Variants in PLCB1 observed in about 807,000 individuals in gnomAD.
The protein encoded by PLCB1 is 1-phosphatidylinositol 4,5-bisphosphate phosphodiesterase beta-1.
PLCB1 carries 46 observed loss-of-function variants against 161.8 expected under a neutral mutation model. The ratio of observed to expected loss-of-function variants is 0.28; its 90% CI spans 0.22 to 0.36. PLCB1 has a LOEUF of 0.36. Among genes scored for constraint, PLCB1 ranks in the 10% least tolerant of loss-of-function variants. The pLI is 1.00. For missense variants in PLCB1, 1,016 were observed against 1,472.5 expected (o/e 0.69, Z 5.07); for synonymous variants, 517 against 503.7 (o/e 1.03, Z -0.35).
intron 10 of PLCB1, among the ~76,000 whole-genome samples, chr20:8,689,201 A>C (rs6056013): frequency 0.66 from 99,981 of 151,772 alleles, 34,022 homozygotes; most frequent in South Asian, 0.78. Context: ...CTTGTATCTG[A>C]AAACTTTGCT....
At chr20:8,772,046 A>AT (rs57175112) in intron 26 of PLCB1, among the ~76,000 whole-genome samples, 26,590 of 121,844 alleles carry the variant, frequency 0.22, 3,039 homozygotes, top group Middle Eastern at 0.3. Context: ...GGCCCGGTTA[A>AT]TTTTTTTTTT....
intron 27 of PLCB1, among the ~76,000 whole-genome samples, chr20:8,784,745 A>G (rs1409606827): frequency 1.3e-5 from 2 of 152,192 alleles, no homozygotes; most frequent in Non-Finnish European, 2.9e-5. Context: ...ATTGCATGCA[A>G]AAGCCTCAGT....
intron 3 of PLCB1, among the ~76,000 whole-genome samples, chr20:8,548,351 CTTTT>C (rs908798223): frequency 1.4e-5 from 2 of 138,498 alleles, no homozygotes; most frequent in South Asian, 2.3e-4. Context: ...TTCTTTCTTT[CTTTT>C]GTCTCTCTCC....
At chr20:8,802,820 T>C (rs983322808) in intron 31 of PLCB1, among the ~76,000 whole-genome samples, 2 of 152,134 alleles carry the variant, frequency 1.3e-5, no homozygotes, top group Admixed American at 1.3e-4. Flanking sequence ...AGCTTGAAAA[T>C]CAGAGCAGAC....
At chr20:8,193,411 A>T (rs2294256) in intron 2 of PLCB1, among the ~76,000 whole-genome samples, 92,260 of 151,074 alleles carry the variant, frequency 0.61, 30,282 homozygotes, top group African/African-American at 0.87. Context: ...AAAAATTTTT[A>T]AAAAAAAAGG....
At chr20:8,806,902 G>A (rs773309126) in intron 31 of PLCB1, among the ~76,000 whole-genome samples, 2 of 152,142 alleles carry the variant, frequency 1.3e-5, no homozygotes, top group African/African-American at 2.4e-5. Flanking sequence ...ACAGGTGACC[G>A]TCTTCTCCTT....
intron 2 of PLCB1, among the ~76,000 whole-genome samples, chr20:8,308,586 C>T (rs1005836454): frequency 4.3e-5 from 6 of 138,504 alleles, no homozygotes; most frequent in Non-Finnish European, 7.5e-5. Context: ...CACTGCGCTG[C>T]AGTCTGGGCA....
At position 8,539,766 on chromosome 20, in the gene PLCB1, T is replaced by C. The variant is rs1002962408; in HGVS notation, c.247-88528T>C. On this transcript the variant is annotated intron_variant, in intron 3 of 31. Transcript: ENST00000338037. ...TCTTTTTTCTGTCCTCTTTCCTTCC[T>C]TCTTTCCTTCCTTCCTTCCTTCCTT... 2.7e-4 allele frequency among the ~76,000 whole-genome samples: 41 copies of C among 150,968 alleles called. 1 individual carries two copies. The highest frequency in any genetic ancestry group is 9.6e-4 in the African/African-American group (39 of 40,630).
intron 3 of PLCB1, among the ~76,000 whole-genome samples, chr20:8,429,112 C>T (rs1979921041): frequency 6.6e-6 from 1 of 152,158 alleles, no homozygotes; most frequent in Non-Finnish European, 1.5e-5. Context: ...GTATCTTACC[C>T]TCTTCTGCCC....
At chr20:8,415,599 C>T (rs376500087) in intron 3 of PLCB1, among the ~76,000 whole-genome samples, 5 of 152,100 alleles carry the variant, frequency 3.3e-5, no homozygotes, top group Non-Finnish European at 5.9e-5. Flanking sequence ...GCCACTGATA[C>T]GAACAACTGG....
intron 3 of PLCB1, among the ~76,000 whole-genome samples, chr20:8,473,342 A>T (rs1212910119): frequency 3.3e-5 from 5 of 152,242 alleles, no homozygotes; most frequent in Non-Finnish European, 7.3e-5. Flanking sequence ...CATTAGTCTT[A>T]GGCTAATAAT....
intron 3 of PLCB1, among the ~76,000 whole-genome samples, chr20:8,563,054 G>A (rs1986193749): frequency 6.6e-6 from 1 of 152,004 alleles, no homozygotes; most frequent in Non-Finnish European, 1.5e-5. Context: ...CTTATAGTAT[G>A]TAGATGTATG....
At chr20:8,486,969 G>C (rs1378228654) in intron 3 of PLCB1, among the ~76,000 whole-genome samples, 1 of 152,204 alleles carries the variant, frequency 6.6e-6, no homozygotes, top group Non-Finnish European at 1.5e-5. Context: ...GTGGCATAAG[G>C]CTTCAGAACT....
At chr20:8,180,858 T>C (rs2051833326) in intron 2 of PLCB1, among the ~76,000 whole-genome samples, 1 of 152,054 alleles carries the variant, frequency 6.6e-6, no homozygotes, top group African/African-American at 2.4e-5. Flanking sequence ...GAATAATTAA[T>C]GCCACAGGAA....
At chr20:8,804,499 C>G (rs1437770501) in intron 31 of PLCB1, among the ~76,000 whole-genome samples, 2 of 151,754 alleles carry the variant, frequency 1.3e-5, no homozygotes, top group Non-Finnish European at 2.9e-5. Context: ...GGTCTCGTGG[C>G]TAAAGCAGAA....
At chr20:8,492,293 G>A (rs1982979850) in intron 3 of PLCB1, among the ~76,000 whole-genome samples, 1 of 151,364 alleles carries the variant, frequency 6.6e-6, no homozygotes, top group South Asian at 2.1e-4. Flanking sequence ...CTTCTGACTT[G>A]TAAATAACTT....
rs1979397601 is a variant in PLCB1 at position 8,717,671 on chromosome 20, C to T, written c.1336C>T (p.Leu446=). The T allele has an allele frequency of 1.9e-6, 3 of 1,600,764 alleles. No individual in the cohort carries two copies. Among genetic ancestry groups the T allele is most frequent in the Middle Eastern group, 1.7e-4 (1 of 5,968 alleles). The change falls in exon 14 of 32, where the codon CTG becomes TTG. Residue 446 remains leucine (L), a splice_region_variant and synonymous_variant. Transcript: ENST00000338037. Reference sequence around the variant, plus strand: ...AGAATATGCCTTTCATTTCTATTAGCTGGAATCTGGAGTTCCTCTTCCAAG... The same window carrying T: ...AGAATATGCCTTTCATTTCTATTAGTTGGAATCTGGAGTTCCTCTTCCAAG... ...LLMEPLEKYP[L]ESGVPLPSPM...
At chr20:8,541,605 A>AAG (rs1985334539) in intron 3 of PLCB1, among the ~76,000 whole-genome samples, 1 of 149,980 alleles carries the variant, frequency 6.7e-6, no homozygotes, top group African/African-American at 2.5e-5. Context: ...AGAAAGAAAG[A>AAG]AAGGAAGGAA....
intron 2 of PLCB1, chr20:8,306,479 AG>A (rs1984142603): frequency 6.6e-6 from 1 of 152,234 alleles, no homozygotes; most frequent in African/African-American, 2.4e-5. Flanking sequence ...ATTGACTCCT[AG>A]ATCGGCTTCT....
Sources: gnomAD v4.1 joint callset for allele counts (sites outside exome capture counted in the v4.1 genomes callset) on GRCh38, gnomAD v4.1.1 for gene constraint, MANE v1.5 for transcripts, NCBI Gene and HGNC (gene_info 2026-07-23, HGNC 2026-07-21) for gene names.